The following SLC9C1 variants were observed in gnomAD, a reference collection of about 807,000 sequenced individuals.
SLC9C1 encodes the protein sodium/hydrogen exchanger 10.
A neutral mutation model predicts 140.9 loss-of-function variants in SLC9C1; 97 were observed. That is an observed-to-expected ratio of 0.69 (90% CI 0.58 to 0.82). SLC9C1 has a LOEUF of 0.82. SLC9C1 is among the 40% of genes least tolerant of loss of function. The pLI, the probability that SLC9C1 is intolerant of heterozygous loss-of-function variation, is 0.00. For missense variants in SLC9C1, 1,340 were observed against 1,389.3 expected (o/e 0.96, Z 0.56); for synonymous variants, 440 against 442.6 (o/e 0.99, Z 0.07).
At chr3:112,289,316 G>T (rs1025311476) in intron 1 of SLC9C1, among the ~76,000 whole-genome samples, 7 of 152,192 alleles carry the variant, frequency 4.6e-5, no homozygotes, top group Admixed American at 2.6e-4. Context: ...GAGGATCTGC[G>T]CTTTGTCTGG....
chr3:112,291,247 A>G (rs76246355), intron 1 of SLC9C1, among the ~76,000 whole-genome samples: 2,350 of 152,308 alleles, frequency 0.015, 59 homozygotes, highest in African/African-American at 0.053. Context: ...AAGCAATCAC[A>G]ACAAAAGCAA....
chr3:112,211,567 C>A (rs953181955), intron 15 of SLC9C1, among the ~76,000 whole-genome samples: 1 of 152,254 alleles, frequency 6.6e-6, no homozygotes, highest in East Asian at 1.9e-4. Context: ...ATATCCCGCA[C>A]CTGGCTCGGA....
intron 7 of SLC9C1, among the ~76,000 whole-genome samples, chr3:112,268,787 A>G (rs904233674): frequency 6.6e-6 from 1 of 152,222 alleles, no homozygotes; most frequent in Admixed American, 6.5e-5. Flanking sequence ...GTGAGAATAT[A>G]CACCATTGTC....
intron 10 of SLC9C1, among the ~76,000 whole-genome samples, chr3:112,255,281 C>T (rs2079573662): frequency 6.6e-6 from 1 of 152,086 alleles, no homozygotes; most frequent in South Asian, 2.1e-4. Context: ...ACAGAATATA[C>T]ATTCTTCTCA....
chr3:112,152,973 A>T (rs913904140), intron 27 of SLC9C1, among the ~76,000 whole-genome samples: 3 of 152,186 alleles, frequency 2.0e-5, no homozygotes, highest in Non-Finnish European at 4.4e-5. Flanking sequence ...ACACAATAAC[A>T]GTCTGATCTA....
chr3:112,180,693 AAAC>A, intron 21 of SLC9C1, 31 bp from the exon 22 acceptor site: 1 of 1,529,266 alleles, frequency 6.5e-7, no homozygotes, highest in Non-Finnish European at 9.0e-7. Context: ...CATAAACTAT[AAAC>A]AACATTTTAG....
chr3:112,240,305 G>A (rs4234413), intron 11 of SLC9C1, among the ~76,000 whole-genome samples: 89,977 of 152,064 alleles, frequency 0.59, 27,138 homozygotes, highest in East Asian at 0.79. Flanking sequence ...CACCTTTTGA[G>A]GTGAGTCCTT....
intron 13 of SLC9C1, among the ~76,000 whole-genome samples, chr3:112,223,964 TA>T (rs1197226233): frequency 3.0e-4 from 46 of 152,338 alleles, no homozygotes; most frequent in African/African-American, 1.0e-3. Context: ...AGCTGCTGGC[TA>T]ACCAGCCCCT....
chr3:112,242,498 T>C (rs909796764), intron 11 of SLC9C1, among the ~76,000 whole-genome samples: 13 of 152,046 alleles, frequency 8.6e-5, no homozygotes, highest in African/African-American at 3.1e-4. Flanking sequence ...CTTATGGAGA[T>C]AGAGAGTAGA....
At chr3:112,148,009 G>A (rs2074855257) in intron 28 of SLC9C1, among the ~76,000 whole-genome samples, 1 of 152,164 alleles carries the variant, frequency 6.6e-6, no homozygotes, top group African/African-American at 2.4e-5. Context: ...TAGTTCAAAA[G>A]AGTGGTCTTC....
At chr3:112,213,806 G>C (rs2078277249) in intron 15 of SLC9C1, among the ~76,000 whole-genome samples, 1 of 152,174 alleles carries the variant, frequency 6.6e-6, no homozygotes, top group Admixed American at 6.5e-5. Flanking sequence ...CAACGAGACA[G>C]AAAGTTAACA....
intron 3 of SLC9C1, among the ~76,000 whole-genome samples, chr3:112,279,514 G>A (rs1231785128): frequency 6.6e-6 from 1 of 152,128 alleles, no homozygotes; most frequent in East Asian, 1.9e-4. Context: ...GAAGAAAGAA[G>A]TTTCAGGTAG....
intron 26 of SLC9C1, among the ~76,000 whole-genome samples, chr3:112,156,683 G>T (rs553758384): frequency 6.6e-6 from 1 of 151,914 alleles, no homozygotes; most frequent in Non-Finnish European, 1.5e-5. Context: ...GTATTTGCCA[G>T]TATTTTAAAT....
At chr3:112,165,178 T>C (rs1424023118) in intron 26 of SLC9C1, among the ~76,000 whole-genome samples, 3 of 152,166 alleles carry the variant, frequency 2.0e-5, no homozygotes, top group African/African-American at 7.2e-5. Flanking sequence ...TTCGTCTAAG[T>C]TTTTTTCAAG....
Position 112,180,547 on chromosome 3 carries a change from A to G in SLC9C1, c.2748+17T>C, listed in dbSNP as rs372169396. ...TCAAAACAAAAAAACAAAACAAAAC[A>G]AAAACCTCTGCCTTACCTTTACCAT... On this transcript the variant is annotated intron_variant, in intron 22 of 28. Coordinates refer to ENST00000305815, the MANE Select transcript of SLC9C1 (RefSeq NM_183061.3). 7.3e-5 allele frequency: 116 copies of G among 1,580,854 alleles called. No homozygotes were observed. In the African/African-American group the frequency reaches 1.5e-3, roughly 20 times the overall value.
At chr3:112,169,156 A>T (rs945664536) in intron 24 of SLC9C1, 41 bp downstream of exon 24, 27 of 1,599,310 alleles carry the variant, frequency 1.7e-5, no homozygotes, top group Non-Finnish European at 2.3e-5. Context: ...ATGCCATTCC[A>T]TTCAAAGAAA....
At chr3:112,194,481 G>T (rs924812622) in intron 20 of SLC9C1, among the ~76,000 whole-genome samples, 1 of 152,114 alleles carries the variant, frequency 6.6e-6, no homozygotes. Flanking sequence ...TTTCTTTTCA[G>T]GGGTGAAGGA....
intron 21 of SLC9C1, among the ~76,000 whole-genome samples, chr3:112,181,246 T>C (rs1020821091): frequency 3.9e-5 from 6 of 152,124 alleles, no homozygotes; most frequent in African/African-American, 1.4e-4. Context: ...AGAAGTACTC[T>C]AGGAATGAGA....
intron 18 of SLC9C1, among the ~76,000 whole-genome samples, chr3:112,201,161 T>C (rs917407507): frequency 6.6e-6 from 1 of 152,070 alleles, no homozygotes; most frequent in Non-Finnish European, 1.5e-5. Flanking sequence ...CTGATTTTAG[T>C]CTATGTTTTA....
Sources: gnomAD v4.1 joint callset for allele counts (sites outside exome capture counted in the v4.1 genomes callset) on GRCh38, gnomAD v4.1.1 for gene constraint, MANE v1.5 for transcripts, NCBI Gene and HGNC (gene_info 2026-07-23, HGNC 2026-07-21) for gene names.